KIF22: variants seen among roughly 807,000 people sequenced by gnomAD.
The protein encoded by KIF22 is kinesin-like protein KIF22.
In KIF22, 62 loss-of-function variants were observed where a neutral mutation model predicts 73.0. The ratio of observed to expected loss-of-function variants is 0.85; its 90% CI spans 0.69 to 1.05. KIF22 has a LOEUF of 1.05. KIF22 is among the 50% of genes least tolerant of loss of function. The pLI is 0.00. For missense variants in KIF22, 854 were observed against 870.1 expected (o/e 0.98, Z 0.23); for synonymous variants, 411 against 340.1 (o/e 1.21, Z -2.29).
chr16:29,804,069 A>G lies in KIF22; in HGVS notation c.1677+4A>G, dbSNP rs1201593615. On this transcript the variant is annotated splice_donor_region_variant and intron_variant, in intron 11 of 13. Coordinates refer to ENST00000160827, the MANE Select transcript of KIF22 (RefSeq NM_007317.3). The stretch of plus-strand genomic sequence containing the variant: ...GAATAAAGGCCGGAAGAGAAAGGTG[A>G]AAGTAGCTGGGGGCTTAGGCTACAC... 1.9e-6 allele frequency: 3 copies of G among 1,612,640 alleles called. No homozygotes were observed. The highest frequency in any genetic ancestry group is 2.5e-6 in the Non-Finnish European group (3 of 1,178,678).
chr16:29,798,897 A>G lies in KIF22; in HGVS notation c.550-78A>G. On this transcript the variant is annotated intron_variant, in intron 4 of 13. Coordinates refer to ENST00000160827, the MANE Select transcript of KIF22 (RefSeq NM_007317.3). This position sits in a 1 kb window ranked among gnomAD's most constrained non-coding sequence, Gnocchi z 4.1. ...CAGATGGTACAACTCCGAGAATAGA[A>G]CAGAGAAAGGAAACTGATCCCCAGG... 6.4e-7 allele frequency: 1 copy of G among 1,557,448 alleles called. No individual in the cohort carries two copies.
chr16:29,790,937 A>G, intron 1 of KIF22, 108 bp downstream of exon 1: 2 of 1,519,708 alleles, frequency 1.3e-6, no homozygotes, highest in Non-Finnish European at 1.8e-6. Context: ...AGAGGCGGCC[A>G]TGGCGCAGGG....
Position 29,802,934 on chromosome 16 carries a change from T to A in KIF22, c.1446T>A (p.Ile482=), listed in dbSNP as rs764267174. Residue 482 remains isoleucine, a synonymous_variant, in exon 9 of 14, where the codon ATT becomes ATA. Coordinates refer to ENST00000160827, the MANE Select transcript of KIF22 (RefSeq NM_007317.3). ...CAGTGGAAGAGAAGGACCTAGAGAT[T>A]GAGGTACGTGTTTTAGGGATGTGGG... ...MKTVEEKDLE[I]ERLKTKQKEL... is the part of the protein sequence containing the mutation. 20 of 1,611,448 alleles carry A rather than the reference T, an allele frequency of 1.2e-5. No homozygotes were observed. The highest frequency in any genetic ancestry group is 3.3e-4 in the Middle Eastern group (2 of 6,048).
intron 8 of KIF22, 32 bp from the exon 9 acceptor site, chr16:29,802,737 G>A: frequency 1.3e-6 from 2 of 1,525,756 alleles, no homozygotes; most frequent in Non-Finnish European, 1.8e-6. Context: ...GAGGGAGGAG[G>A]TAGGTGGGGA....
chr16:29,804,811 C>T lies in KIF22; in HGVS notation c.1678-3C>T, dbSNP rs1256108377. 1.9e-6 allele frequency: 3 copies of T among 1,600,800 alleles called. No homozygotes were observed. The highest frequency in any genetic ancestry group is 2.6e-6 in the Non-Finnish European group (3 of 1,173,594). ...GTGTCACTCATCTCCCTTTGCCTCC[C>T]AGCTGGAGTCCCTGGATGCCCTAGA... On this transcript the variant is annotated splice_polypyrimidine_tract_variant and splice_region_variant and intron_variant, in intron 11 of 13. Transcript: ENST00000160827.
Position 29,798,299 on chromosome 16 carries a change from C to G in KIF22, c.267-75C>G. 1 of 1,391,280 alleles carries G rather than the reference C, an allele frequency of 7.2e-7. No individual in the cohort carries two copies. Among genetic ancestry groups the G allele is most frequent in the Non-Finnish European group, 9.5e-7 (1 of 1,048,828 alleles). 86.2% of individuals were successfully genotyped at this position (1,391,280 alleles called of 1,614,324 possible). On this transcript the variant is annotated intron_variant, in intron 2 of 13. Coordinates refer to ENST00000160827, the MANE Select transcript of KIF22 (RefSeq NM_007317.3). This position sits in a 1 kb window ranked among gnomAD's most constrained non-coding sequence, Gnocchi z 4.1. ...AGTAGAATCCCTTACCCACCCCCAC[C>G]CCACTCCACCCCTTACACACACACA...
rs1555500244 is a variant in KIF22 at position 29,805,302 on chromosome 16, G to A, written c.1990G>A (p.Ala664Thr). The A allele has an allele frequency of 1.2e-6, 2 of 1,613,372 alleles. No individual in the cohort carries two copies. Among genetic ancestry groups the A allele is most frequent in the East Asian group, 2.2e-5 (1 of 44,882 alleles). ...TCTCGCCGCCGGCCAGCGCTGTGGC[G>A]CCTCCTGACCGTCGTCTCCTCACTC... ...LGLAAGQRCG[A>T]S Residue 664 changes from alanine to threonine, a missense_variant, in exon 14 of 14, where the codon GCC becomes ACC. This residue lies in a region of KIF22 where 423 missense variants were observed against 365.4 expected (regional missense o/e 1.16). Coordinates refer to ENST00000160827, the MANE Select transcript of KIF22 (RefSeq NM_007317.3).
At chr16:29,804,157 C>A in intron 11 of KIF22, 92 bp downstream of exon 11, 1 of 1,018,196 alleles carries the variant, frequency 9.8e-7, no homozygotes, top group Middle Eastern at 2.0e-4. Context: ...TGGGGTTAAA[C>A]GAACTGGATG....
rs1259644000 is a variant in KIF22, at chr16:29,804,914, T to C, written c.1778T>C (p.Leu593Pro). ...ELLAHGRQKI[L>P]DLLNEGSARD... ...CTGGCTCATGGGCGCCAAAAAATACTGGATCTGCTGAACGAAGGCTCAGCC... is the reference window on the plus strand; with the variant it reads ...CTGGCTCATGGGCGCCAAAAAATACCGGATCTGCTGAACGAAGGCTCAGCC... Residue 593 changes from leucine to proline, a missense_variant, in exon 12 of 14, where the codon CTG becomes CCG. Leu to Pro is a moderately conservative substitution (Grantham distance 98). This residue lies in a region of KIF22 where 423 missense variants were observed against 365.4 expected (regional missense o/e 1.16). Coordinates refer to ENST00000160827, the MANE Select transcript of KIF22 (RefSeq NM_007317.3). 4 of 1,613,810 alleles carry C rather than the reference T, an allele frequency of 2.5e-6. No homozygotes were observed. Among genetic ancestry groups the C allele is most frequent in the Non-Finnish European group, 3.4e-6 (4 of 1,180,028 alleles).
Position 29,797,149 on chromosome 16 carries a change from C to T in KIF22, c.266+61C>T, listed in dbSNP as rs1898974423. 7 of 1,261,740 alleles carry T rather than the reference C, an allele frequency of 5.5e-6. No homozygotes were observed. In the South Asian group the frequency reaches 5.8e-5, roughly 10 times the overall value. 78.2% of individuals were successfully genotyped at this position (1,261,740 alleles called of 1,614,324 possible). A position where few individuals can be genotyped will look rare whatever the true frequency, so the allele number is the denominator to read the frequency against. ...CACCTCCCTCTCCTAGGCCTGCCCA[C>T]GTTCCCCTGCCTCCCCAGGATCCTT... On this transcript the variant is annotated intron_variant, in intron 2 of 13. Transcript: ENST00000160827. This position sits in a 1 kb window ranked among gnomAD's most constrained non-coding sequence, Gnocchi z 4.1.
At position 29,790,798 on chromosome 16, in the gene KIF22, G is replaced by T. The variant is rs1898789045; in HGVS notation, c.39G>T (p.Glu13Asp). ...AGGSTQQRRR[E>D]MAAASAAAIS... ...GCTCGACGCAGCAGAGGCGACGCGAGATGGCGGCAGCTTCAGCGGCGGCGA... is the reference window on the plus strand; with the variant it reads ...GCTCGACGCAGCAGAGGCGACGCGATATGGCGGCAGCTTCAGCGGCGGCGA... The change falls in exon 1 of 14, where the codon GAG becomes GAT. Residue 13 changes from glutamate to aspartate, a missense_variant. Glu to Asp is a conservative substitution (Grantham distance 45). Coordinates refer to ENST00000160827, the MANE Select transcript of KIF22 (RefSeq NM_007317.3). The T allele has an allele frequency of 5.6e-6, 9 of 1,604,782 alleles. No individual in the cohort carries two copies. Among genetic ancestry groups the T allele is most frequent in the Non-Finnish European group, 7.7e-6 (9 of 1,175,866 alleles).
At chr16:29,804,574 A>G in intron 11 of KIF22, 2 of 687,912 alleles carry the variant, frequency 2.9e-6, no homozygotes, top group Non-Finnish European at 5.3e-6. Context: ...TGATCTCCAC[A>G]GCAACTCCAT....
chr16:29,800,318 G>C (rs1292713992), intron 8 of KIF22: 3 of 260,590 alleles, frequency 1.2e-5, no homozygotes, highest in Admixed American at 5.0e-5. Context: ...GTAGCCGGAT[G>C]TGGTGGCATG....
At chr16:29,804,244 TAGGG>T (rs1899257552) in intron 11 of KIF22, 179 bp downstream of exon 11, 15 of 640,254 alleles carry the variant, frequency 2.3e-5, no homozygotes, top group Middle Eastern at 3.6e-4. Context: ...GCAGGGCATT[TAGGG>T]TGGAAGGCAG....
intron 1 of KIF22, among the ~76,000 whole-genome samples, chr16:29,792,686 G>A (rs946217722): frequency 5.9e-5 from 9 of 152,266 alleles, no homozygotes; most frequent in African/African-American, 2.2e-4. Flanking sequence ...TTTTTAAGAG[G>A]AGTTAAAATG....
intron 6 of KIF22, 63 bp downstream of exon 6, chr16:29,799,557 G>C: frequency 6.2e-7 from 1 of 1,611,400 alleles, no homozygotes; most frequent in African/African-American, 1.3e-5. Flanking sequence ...CCTGCTGTGG[G>C]GTGGGGAATA....
At position 29,798,950 on chromosome 16, in the gene KIF22, C is replaced by T; in HGVS notation, c.550-25C>T. 6.2e-7 allele frequency: 1 copy of T among 1,606,714 alleles called. No homozygotes were observed. The highest frequency in any genetic ancestry group is 8.5e-7 in the Non-Finnish European group (1 of 1,173,302). Reference sequence around the variant, plus strand: ...GAAACAGCCTCTCTATGGAGAATTGCCCTTCCCCTTCACTGCTTACACAGG... The same window carrying T: ...GAAACAGCCTCTCTATGGAGAATTGTCCTTCCCCTTCACTGCTTACACAGG... On this transcript the variant is annotated intron_variant, in intron 4 of 13. Transcript: ENST00000160827. The surrounding 1 kb of genome is among the most constrained non-coding windows in gnomAD (Gnocchi z 4.1).
rs1213717011 is a variant in KIF22 at position 29,797,204 on chromosome 16, G to A, written c.266+116G>A. ...CCTCCTTAGCACCGCTTTGTTCCCTGAGCCTTCACTGTTCACTTAGGAAAT... is the reference window on the plus strand; with the variant it reads ...CCTCCTTAGCACCGCTTTGTTCCCTAAGCCTTCACTGTTCACTTAGGAAAT... On this transcript the variant is annotated intron_variant, in intron 2 of 13. Transcript: ENST00000160827. This position sits in a 1 kb window ranked among gnomAD's most constrained non-coding sequence, Gnocchi z 4.1. The A allele has an allele frequency of 2.7e-6, 2 of 732,520 alleles. No homozygotes were observed. Among genetic ancestry groups the A allele is most frequent in the African/African-American group, 3.6e-5 (2 of 55,366 alleles). 45.4% of individuals were successfully genotyped at this position (732,520 alleles called of 1,614,324 possible).
At position 29,799,921 on chromosome 16, in the gene KIF22, C is replaced by T; in HGVS notation, c.1153C>T (p.Pro385Ser). ...ATCCTCCAATCATCTAGCCTTGGGA[C>T]CTGTTAAGCTGTCTCAGAAAGAATT... ...NESLQPHALGPVKLSQKELLG... is the reference protein window; with the variant it reads ...NESLQPHALGSVKLSQKELLG... The change falls in exon 8 of 14, where the codon CCT (proline) becomes TCT (serine). Residue 385 changes from proline to serine, a missense_variant. Transcript: ENST00000160827. 6.2e-7 allele frequency: 1 copy of T among 1,614,108 alleles called. No individual in the cohort carries two copies. Among genetic ancestry groups the T allele is most frequent in the East Asian group, 2.2e-5 (1 of 44,888 alleles).
Sources: allele counts gnomAD v4.1 joint callset (sites outside exome capture counted in the v4.1 genomes callset), GRCh38; gene constraint gnomAD v4.1.1; regional missense constraint gnomAD v4.1.1; non-coding constraint Gnocchi (gnomAD v3.1); transcripts MANE v1.5; gene names NCBI Gene and HGNC (gene_info 2026-07-23, HGNC 2026-07-21).